Variants in DEAF1 observed in about 807,000 individuals in gnomAD.
The protein encoded by DEAF1 is DEAF1 transcription factor.
In DEAF1, 53 loss-of-function variants were observed where a neutral mutation model predicts 58.9. The observed-to-expected ratio is 0.90, with a 90% CI of 0.72 to 1.13. The LOEUF is 1.13. Among genes scored for constraint, DEAF1 ranks in the 50% most tolerant of loss-of-function variants. DEAF1 has a pLI of 0.00. For synonymous variants in DEAF1, 385 were observed against 340.4 expected, an observed-to-expected ratio of 1.13 and a Z score of -1.44; for missense variants, 685 against 791.4, an observed-to-expected ratio of 0.87 and a Z score of 1.61.
chr11:680,003 A>ACCAGGATGACCAGGATGG (rs67467914), intron 7 of DEAF1, 187 bp from the exon 8 acceptor site: 2 of 586,160 alleles, frequency 3.4e-6, no homozygotes, highest in Non-Finnish European at 5.5e-6. Context: ...ACAGGAGAAA[A>ACCAGGATGACCAGGATGG]CCAGGATGGC....
At chr11:654,577 C>A (rs542110957) in intron 10 of DEAF1, 1 of 455,374 alleles carries the variant, frequency 2.2e-6, no homozygotes, top group African/African-American at 2.0e-5. Context: ...CATTCATTCA[C>A]TGGAAGACCA....
intron 11 of DEAF1, among the ~76,000 whole-genome samples, chr11:646,834 T>G (rs1858520442): frequency 6.6e-6 from 1 of 152,108 alleles, no homozygotes; most frequent in Admixed American, 6.5e-5. Context: ...AATGGTTAAA[T>G]TCACAAGAAG....
intron 4 of DEAF1, 129 bp from the exon 5 acceptor site, chr11:687,126 C>A: frequency 7.2e-7 from 1 of 1,379,982 alleles, no homozygotes; most frequent in Non-Finnish European, 1.0e-6. Context: ...ATCTCACCCA[C>A]CCACATACTT....
At chr11:692,221 T>C (rs7128243) in intron 1 of DEAF1, 31,384 of 174,184 alleles carry the variant, frequency 0.18, 3,785 homozygotes, top group African/African-American at 0.36. Flanking sequence ...GACAGGCCCT[T>C]CAGCAGCATC....
Position 688,068 on chromosome 11 carries a change from G to A in DEAF1, c.518-11C>T. On this transcript the variant is annotated splice_polypyrimidine_tract_variant and intron_variant, in intron 3 of 11. Coordinates refer to ENST00000382409, the MANE Select transcript of DEAF1 (RefSeq NM_021008.4). The surrounding 1 kb of genome is among the most constrained non-coding windows in gnomAD (Gnocchi z 4.3). ...GAGGAGACTGAGGACCTTGGGCAGA[G>A]AAAGTGTTTGAAGGTGAGAGGCCGG... 6.2e-7 allele frequency: 1 copy of A among 1,613,800 alleles called. No homozygotes were observed. Among genetic ancestry groups the A allele is most frequent in the Middle Eastern group, 1.7e-4 (1 of 6,060 alleles).
Position 695,016 on chromosome 11 carries a change from A to C in DEAF1, c.32T>G (p.Leu11Arg). Residue 11 changes from leucine to arginine, a missense_variant, in exon 1 of 12, where the codon CTG becomes CGG. This residue lies in a region of DEAF1 where 210 missense variants were observed against 177.3 expected (regional missense o/e 1.18). Coordinates refer to ENST00000382409, the MANE Select transcript of DEAF1 (RefSeq NM_021008.4). ...CACCGCCGCCGCCTCAGCCAGGCCC[A>C]GCTGCTTTGCCGCCGAGTCCGAGTC... Reference protein sequence around the residue: MEDSDSAAKQLGLAEAAAVAA... With the variant: MEDSDSAAKQRGLAEAAAVAA... 7.5e-7 allele frequency: 1 copy of C among 1,331,778 alleles called. No homozygotes were observed. The allele number at this position is 1,331,778 out of a possible 1,614,324, so 82.5% of individuals were successfully genotyped here.
chr11:654,855 C>T (rs532748647), intron 10 of DEAF1, among the ~76,000 whole-genome samples: 1 of 150,674 alleles, frequency 6.6e-6, no homozygotes, highest in African/African-American at 2.5e-5. Context: ...GGTGACAGAG[C>T]GAGACTCCCA....
intron 11 of DEAF1, among the ~76,000 whole-genome samples, chr11:652,228 ACTT>A (rs527624385): frequency 4.3e-4 from 66 of 152,338 alleles, no homozygotes; most frequent in African/African-American, 1.5e-3. Flanking sequence ...AAATTAGCAT[ACTT>A]CTTTTTTAGA....
In DEAF1 at chr11:674,659, G is replaced by A. The variant is rs761183640; in HGVS notation, c.1380C>T (p.Val460=). ...GCTGCGCTGTGTTGAGCAAGGAGTT[G>A]ACCATCTCTTCTAGGTACAGCCAGC... ...PRSWLYLEEM[V]NSLLNTAQQL... The change falls in exon 10 of 12, where the codon GTC becomes GTT. Residue 460 remains valine, a synonymous_variant. Coordinates refer to ENST00000382409, the MANE Select transcript of DEAF1 (RefSeq NM_021008.4). The A allele has an allele frequency of 5.0e-6, 8 of 1,613,970 alleles. No individual in the cohort carries two copies. The South Asian group carries it at 6.6e-5, about 13-fold the overall frequency.
intron 11 of DEAF1, among the ~76,000 whole-genome samples, chr11:653,713 A>G (rs564781924): frequency 2.0e-5 from 3 of 152,168 alleles, no homozygotes; most frequent in African/African-American, 7.2e-5. Flanking sequence ...GGAAGCACTG[A>G]CCAGCAGCCC....
At chr11:695,462 G>T, upstream of DEAF1, 1 of 566,970 alleles carries the variant, frequency 1.8e-6, no homozygotes, top group Non-Finnish European at 2.6e-6. Flanking sequence ...AGGGCTGGAC[G>T]GCTCTAGGCA....
At chr11:685,786 C>T (rs1165103180) in intron 5 of DEAF1, among the ~76,000 whole-genome samples, 3 of 151,224 alleles carry the variant, frequency 2.0e-5, no homozygotes, top group East Asian at 2.1e-4. Context: ...GAGGCCGAGG[C>T]GGGTGGCTCA....
In DEAF1 at chr11:674,763, G is replaced by T; in HGVS notation, c.1276C>A (p.Leu426Met). ...PKIVLTSLPA[L>M]AVPPPTPTKA... is the part of the protein sequence containing the mutation. ...GTGGGAGTCGGGGGTGGGACCGCCA[G>T]CGCAGGCAGGGATGTCAACACTAGA... The change falls in exon 10 of 12, where the codon CTG becomes ATG. Residue 426 changes from leucine (L) to methionine (M), a missense_variant. By Grantham distance (15) the Leu-to-Met change is conservative. Transcript: ENST00000382409. 1 of 1,612,680 alleles carries T rather than the reference G, an allele frequency of 6.2e-7. No homozygotes were observed.
intron 10 of DEAF1, 186 bp downstream of exon 10, chr11:674,350 A>C: frequency 1.2e-6 from 1 of 849,776 alleles, no homozygotes; most frequent in Admixed American, 2.6e-5. Context: ...CACCTTAACA[A>C]CAATAGCTGT....
intron 1 of DEAF1, among the ~76,000 whole-genome samples, chr11:692,973 G>A (rs1266304098): frequency 6.6e-6 from 1 of 152,210 alleles, no homozygotes; most frequent in Non-Finnish European, 1.5e-5. Context: ...CGGCCACAGT[G>A]AGTGCTCAAC....
chr11:660,005 G>A (rs922510810), intron 10 of DEAF1, among the ~76,000 whole-genome samples: 2 of 152,184 alleles, frequency 1.3e-5, no homozygotes, highest in African/African-American at 2.4e-5. Flanking sequence ...GGCTGCTGCT[G>A]TGCACCCTTG....
At chr11:648,288 G>A (rs927796387) in intron 11 of DEAF1, among the ~76,000 whole-genome samples, 8 of 146,838 alleles carry the variant, frequency 5.4e-5, no homozygotes, top group East Asian at 2.1e-4. Context: ...TCCGCCTCCC[G>A]GGTTCATGCC....
intron 1 of DEAF1, chr11:694,537 G>A: frequency 2.7e-6 from 1 of 370,676 alleles, no homozygotes; most frequent in Non-Finnish European, 4.7e-6. Context: ...TGAGGGGTGA[G>A]CTAGTCACGT....
intron 7 of DEAF1, 81 bp downstream of exon 7, chr11:680,882 G>C: frequency 6.3e-7 from 1 of 1,593,900 alleles, no homozygotes; most frequent in Non-Finnish European, 8.6e-7. Flanking sequence ...GAATCCCGCA[G>C]TGGCCGTGGG....
Sources: gnomAD v4.1 joint callset for allele counts (sites outside exome capture counted in the v4.1 genomes callset) on GRCh38, gnomAD v4.1.1 for gene constraint, gnomAD v4.1.1 regional missense constraint, Gnocchi (gnomAD v3.1) non-coding constraint, MANE v1.5 for transcripts, NCBI Gene and HGNC (gene_info 2026-07-23, HGNC 2026-07-21) for gene names.